The following STRN3 variants were observed in gnomAD, a reference collection of about 807,000 sequenced individuals.
STRN3 encodes the protein striatin 3.
In STRN3, 29 loss-of-function variants were observed where a neutral mutation model predicts 95.6. The ratio of observed to expected loss-of-function variants is 0.30; its 90% CI spans 0.23 to 0.41. STRN3 has a LOEUF of 0.41. Ranked by LOEUF, STRN3 falls within the 10% of genes least tolerant of loss-of-function variation. STRN3 has a pLI of 1.00. For missense variants in STRN3, 890 were observed against 972.1 expected (o/e 0.92, Z 1.12); for synonymous variants, 331 against 357.6 (o/e 0.93, Z 0.84).
intron 1 of STRN3, among the ~76,000 whole-genome samples, chr14:30,999,763 C>A (rs1350514584): frequency 6.6e-6 from 1 of 152,166 alleles, no homozygotes; most frequent in Non-Finnish European, 1.5e-5. Flanking sequence ...GGAGAAATAA[C>A]AGCCCAAAAT....
intron 1 of STRN3, among the ~76,000 whole-genome samples, chr14:31,023,919 C>T (rs1024345024): frequency 4.7e-5 from 7 of 150,258 alleles, no homozygotes; most frequent in African/African-American, 1.5e-4. Flanking sequence ...CACTGTAGGA[C>T]TTCTTCAAAA....
chr14:30,943,285 T>A (rs1412707515), intron 5 of STRN3, among the ~76,000 whole-genome samples: 1 of 152,210 alleles, frequency 6.6e-6, no homozygotes, highest in Non-Finnish European at 1.5e-5. Context: ...AAGCCTCGAT[T>A]AAAACAACTA....
At chr14:30,929,957 A>AAAAAAAAAAAAAAAAAG (rs1878411611) in intron 7 of STRN3, among the ~76,000 whole-genome samples, 1 of 138,234 alleles carries the variant, frequency 7.2e-6, no homozygotes, top group African/African-American at 2.8e-5. Flanking sequence ...AGATTAGCAA[A>AAAAAAAAAAAAAAAAAG]AAAAAAAAAA....
At chr14:30,921,579 A>G (rs1234401789) in intron 8 of STRN3, among the ~76,000 whole-genome samples, 3 of 152,206 alleles carry the variant, frequency 2.0e-5, no homozygotes, top group Non-Finnish European at 4.4e-5. Flanking sequence ...TCTTTACTCT[A>G]TTGTGCAGAG....
intron 1 of STRN3, among the ~76,000 whole-genome samples, chr14:31,001,018 G>A (rs904717267): frequency 6.6e-5 from 10 of 152,170 alleles, no homozygotes; most frequent in Non-Finnish European, 1.3e-4. Context: ...GAGTTGTAAA[G>A]ACATATACTG....
At chr14:30,952,875 A>C (rs1879721473) in intron 3 of STRN3, among the ~76,000 whole-genome samples, 2 of 152,212 alleles carry the variant, frequency 1.3e-5, no homozygotes, top group African/African-American at 4.8e-5. Context: ...AACAAGATAT[A>C]CGACTGCCCA....
At position 31,026,354 on chromosome 14, in the gene STRN3, C is replaced by A; in HGVS notation, c.-169G>T. On this transcript the variant is annotated 5_prime_UTR_variant, in exon 1 of 18. Coordinates refer to ENST00000357479, the MANE Select transcript of STRN3 (RefSeq NM_001083893.2). ...GGTCAGAGCAGGGAGCTGCCGGCTG[C>A]CGCCATTACAATCCCTCCTCCATCT... 1.7e-6 allele frequency: 1 copy of A among 596,848 alleles called. No individual in the cohort carries two copies. Among genetic ancestry groups the A allele is most frequent in the Non-Finnish European group, 2.6e-6 (1 of 390,268 alleles). 37.0% of individuals were successfully genotyped at this position (596,848 alleles called of 1,614,324 possible).
At chr14:30,947,293 CAT>C (rs761831823) in intron 4 of STRN3, 30 bp from the exon 5 acceptor site, 8 of 1,523,868 alleles carry the variant, frequency 5.2e-6, no homozygotes, top group Non-Finnish European at 7.1e-6. Context: ...TTAAAATCCA[CAT>C]ACTGTTAACA....
chr14:31,010,234 TTTA>T (rs1490592289), intron 1 of STRN3, among the ~76,000 whole-genome samples: 6 of 152,226 alleles, frequency 3.9e-5, no homozygotes, highest in South Asian at 4.1e-4. Flanking sequence ...ATTTTTTCTT[TTTA>T]TTATTATTAT....
At chr14:30,897,478 G>C (rs1256030793) in intron 16 of STRN3, among the ~76,000 whole-genome samples, 1 of 152,108 alleles carries the variant, frequency 6.6e-6, no homozygotes, top group African/African-American at 2.4e-5. Flanking sequence ...CCAGCTACTA[G>C]GGAGGCTGAG....
chr14:30,972,158 TCTACTCCACCCTGATTCATTCCAATTAC>T (rs559873472), intron 1 of STRN3, among the ~76,000 whole-genome samples: 10 of 152,300 alleles, frequency 6.6e-5, no homozygotes, highest in African/African-American at 2.2e-4. Flanking sequence ...TTTTCGATTA[TCTACTCCACCCTGATTCATTCCAATTAC>T]CTACTCCACC....
chr14:30,963,087 C>G (rs552409482), intron 1 of STRN3, among the ~76,000 whole-genome samples: 2 of 124,568 alleles, frequency 1.6e-5, no homozygotes. Flanking sequence ...CACATGACTA[C>G]GCTAATAATG....
At chr14:30,970,886 A>T (rs1594517813) in intron 1 of STRN3, among the ~76,000 whole-genome samples, 1 of 152,204 alleles carries the variant, frequency 6.6e-6, no homozygotes, top group South Asian at 2.1e-4. Context: ...TCCCCTTTCC[A>T]CTAAGGTGGT....
chr14:30,950,587 G>C (rs1313756715), intron 4 of STRN3, among the ~76,000 whole-genome samples: 2 of 152,132 alleles, frequency 1.3e-5, no homozygotes, highest in African/African-American at 2.4e-5. Flanking sequence ...GAAAGGAATG[G>C]AGGGCTCTAT....
intron 1 of STRN3, among the ~76,000 whole-genome samples, chr14:31,012,615 C>A (rs1356267058): frequency 3.3e-5 from 5 of 152,152 alleles, no homozygotes; most frequent in African/African-American, 1.2e-4. Context: ...GATGTAGGGT[C>A]AGGCGCGGTG....
At chr14:31,000,981 T>G (rs550761025) in intron 1 of STRN3, among the ~76,000 whole-genome samples, 35 of 152,266 alleles carry the variant, frequency 2.3e-4, no homozygotes, top group African/African-American at 8.2e-4. Context: ...CCCCACCAGA[T>G]AGGGTTCTAT....
chr14:31,016,002 AAC>A (rs750668996), intron 1 of STRN3, among the ~76,000 whole-genome samples: 1 of 152,188 alleles, frequency 6.6e-6, no homozygotes, highest in Non-Finnish European at 1.5e-5. Context: ...GTAAATTAAA[AAC>A]AGTGAGATAC....
chr14:31,018,226 C>T (rs984375264), intron 1 of STRN3, among the ~76,000 whole-genome samples: 49 of 151,996 alleles, frequency 3.2e-4, no homozygotes, highest in Middle Eastern at 3.4e-3. Context: ...TGCCTGCATA[C>T]CAGCTACCAG....
chr14:30,939,417 A>T (rs1227169504), intron 5 of STRN3, among the ~76,000 whole-genome samples: 2 of 152,164 alleles, frequency 1.3e-5, no homozygotes, highest in African/African-American at 4.8e-5. Flanking sequence ...GTTGATGAAG[A>T]GTAGAAAAAG....
Sources: gnomAD v4.1 joint callset for allele counts (sites outside exome capture counted in the v4.1 genomes callset) on GRCh38, gnomAD v4.1.1 for gene constraint, MANE v1.5 for transcripts, NCBI Gene and HGNC (gene_info 2026-07-23, HGNC 2026-07-21) for gene names.